Variants in SORBS2 observed in about 807,000 individuals in gnomAD.
The protein encoded by SORBS2 is sorbin and SH3 domain containing 2.
In SORBS2, 46 loss-of-function variants were observed where a neutral mutation model predicts 97.7. The observed-to-expected ratio is 0.47, with a 90% confidence interval of 0.37 to 0.60. SORBS2 has a LOEUF of 0.60. Among genes scored for constraint, SORBS2 ranks in the 20% least tolerant of loss-of-function variants. The pLI is 0.00. For synonymous variants in SORBS2, 476 were observed against 473.4 expected, an observed-to-expected ratio of 1.01 and a Z score of -0.07; for missense variants, 1,316 against 1,282.3, an observed-to-expected ratio of 1.03 and a Z score of -0.40.
chr4:185,809,516 T>C (rs1165471515), intron 1 of SORBS2, among the ~76,000 whole-genome samples: 1 of 134,506 alleles, frequency 7.4e-6, no homozygotes, highest in Non-Finnish European at 1.6e-5. Context: ...TTCCAAAATA[T>C]TTGATATTGC....
At chr4:185,613,162 G>C (rs2096568250) in intron 11 of SORBS2, among the ~76,000 whole-genome samples, 1 of 152,196 alleles carries the variant, frequency 6.6e-6, no homozygotes, top group Non-Finnish European at 1.5e-5. Flanking sequence ...TGATACAGAA[G>C]CTCGGGCAGC....
intron 2 of SORBS2, among the ~76,000 whole-genome samples, chr4:185,712,594 C>T (rs7695346): frequency 0.68 from 103,440 of 152,130 alleles, 35,965 homozygotes; most frequent in Non-Finnish European, 0.76. Flanking sequence ...TTAAGCCGCC[C>T]GTGGACAGCA....
chr4:185,843,726 T>G (rs1477386614), intron 1 of SORBS2, among the ~76,000 whole-genome samples: 2 of 152,188 alleles, frequency 1.3e-5, no homozygotes, highest in Non-Finnish European at 2.9e-5. Context: ...TGGAGAGATA[T>G]ATCATGTTCA....
At chr4:185,585,588 A>T (rs1220464062) in exon 15 of SORBS2, 5 of 152,010 alleles carry the variant, frequency 3.3e-5, no homozygotes, top group African/African-American at 9.7e-5. Context: ...TGCTTGTAAG[A>T]ATTCAAAGTC....
At chr4:185,785,483 T>C (rs2099052034) in intron 1 of SORBS2, among the ~76,000 whole-genome samples, 1 of 152,200 alleles carries the variant, frequency 6.6e-6, no homozygotes, top group Non-Finnish European at 1.5e-5. Context: ...TGTAAATATT[T>C]TGTCTTTCTA....
intron 1 of SORBS2, among the ~76,000 whole-genome samples, chr4:185,948,572 C>T (rs150937203): frequency 0.028 from 3,614 of 130,070 alleles, 151 homozygotes; most frequent in African/African-American, 0.099. Flanking sequence ...GGCTGGAGTG[C>T]AGTGGCACAG....
At position 185,642,552 on chromosome 4, in the gene SORBS2, C is replaced by T. The variant is rs180713749; in HGVS notation, c.396+4116G>A. ...GGAAATACGGTTCTGATTTGTGGTT[C>T]GAGTCAGTTCAAGGCAAATTCCTGG... On this transcript the variant is annotated intron_variant, in intron 4 of 14. Transcript: ENST00000418609. Among the ~76,000 whole-genome samples the T allele has an allele frequency of 2.6e-5, 4 of 152,116 alleles. No homozygotes were observed. The East Asian group carries it at 5.8e-4, about 22-fold the overall frequency.
At chr4:185,868,961 G>T (rs2099228876) in intron 1 of SORBS2, among the ~76,000 whole-genome samples, 1 of 152,226 alleles carries the variant, frequency 6.6e-6, no homozygotes, top group Non-Finnish European at 1.5e-5. Context: ...AAACAATGCT[G>T]ATTTTATGGA....
chr4:185,666,071 T>A (rs563735895), intron 4 of SORBS2: 1 of 1,289,640 alleles, frequency 7.8e-7, no homozygotes. Context: ...CTGGTGCCAC[T>A]GCCTGGTGAG....
chr4:185,872,148 T>G (rs1459638411), intron 1 of SORBS2, among the ~76,000 whole-genome samples: 1 of 152,206 alleles, frequency 6.6e-6, no homozygotes, highest in Admixed American at 6.5e-5. Flanking sequence ...GAAGGCACCC[T>G]TAATAGAAAC....
intron 12 of SORBS2, among the ~76,000 whole-genome samples, chr4:185,601,195 G>A (rs765944342): frequency 2.0e-4 from 30 of 152,162 alleles, no homozygotes; most frequent in Admixed American, 4.6e-4. Context: ...CTTAAGTGTC[G>A]TGGCAGACGA....
intron 2 of SORBS2, among the ~76,000 whole-genome samples, chr4:185,696,991 A>C (rs1429852765): frequency 6.6e-6 from 1 of 152,220 alleles, no homozygotes; most frequent in East Asian, 1.9e-4. Flanking sequence ...GAGACATGTG[A>C]GGAATTAATT....
intron 1 of SORBS2, among the ~76,000 whole-genome samples, chr4:185,907,401 T>C (rs1231952250): frequency 1.3e-5 from 2 of 152,222 alleles, no homozygotes; most frequent in African/African-American, 4.8e-5. Context: ...ATTTTAGAGC[T>C]ATGAGGTAGA....
chr4:185,839,804 G>C lies in SORBS2; in HGVS notation c.-337-64438C>G, dbSNP rs147773370. On this transcript the variant is annotated intron_variant, in intron 1 of 20. Transcript: ENST00000284776. ...GGTGAGGTGGAACAAGAAACCCTAGGTAAATTGTAGCAGCGTTAGATGTTT... is the reference window on the plus strand; with the variant it reads ...GGTGAGGTGGAACAAGAAACCCTAGCTAAATTGTAGCAGCGTTAGATGTTT... 2.2e-3 allele frequency among the ~76,000 whole-genome samples: 338 copies of C among 152,282 alleles called. 3 individuals are homozygous for C. Among genetic ancestry groups the C allele is most frequent in the African/African-American group, 7.8e-3 (323 of 41,558 alleles).
In SORBS2 at chr4:185,606,639, G is replaced by A. The variant is rs1443715330; in HGVS notation, c.2796+5141C>T. ...CCTCCTTGGGGGTCCTAGGATCTGTGGGGGTGGCTATGGGGTGTTTTAGGC... is the reference window on the plus strand; with the variant it reads ...CCTCCTTGGGGGTCCTAGGATCTGTAGGGGTGGCTATGGGGTGTTTTAGGC... On this transcript the variant is annotated intron_variant, in intron 12 of 14. Transcript: ENST00000418609. This position sits in a 1 kb window ranked among gnomAD's most constrained non-coding sequence, Gnocchi z 4.3. The A allele has an allele frequency of 2.0e-6, 2 of 985,068 alleles. No individual in the cohort carries two copies. The highest frequency in any genetic ancestry group is 6.2e-5 in the Admixed American group (1 of 16,252). 61.0% of individuals were successfully genotyped at this position (985,068 alleles called of 1,614,324 possible).
At chr4:185,755,018 GA>G (rs1203251838) in intron 2 of SORBS2, among the ~76,000 whole-genome samples, 1 of 152,178 alleles carries the variant, frequency 6.6e-6, no homozygotes, top group Non-Finnish European at 1.5e-5. Flanking sequence ...AAACTGGCAG[GA>G]AAAAACCCAC....
At chr4:185,646,885 A>T (rs575594461) in intron 3 of SORBS2, 103 bp from the exon 13 acceptor site, 21 of 673,148 alleles carry the variant, frequency 3.1e-5, no homozygotes, top group Middle Eastern at 2.9e-4. Context: ...GCATAGTTTT[A>T]AAAAAAATCT....
chr4:185,613,358 G>A (rs2096571902), intron 11 of SORBS2, among the ~76,000 whole-genome samples: 1 of 152,172 alleles, frequency 6.6e-6, no homozygotes, highest in Admixed American at 6.5e-5. Flanking sequence ...CTCAAGAAAA[G>A]TCAGTCTCAG....
intron 2 of SORBS2, among the ~76,000 whole-genome samples, chr4:185,761,322 G>A (rs1460070967): frequency 6.6e-6 from 1 of 152,166 alleles, no homozygotes; most frequent in Non-Finnish European, 1.5e-5. Flanking sequence ...AACTTCCATA[G>A]ATCATATCAG....
Sources: allele counts gnomAD v4.1 joint callset (sites outside exome capture counted in the v4.1 genomes callset), GRCh38; gene constraint gnomAD v4.1.1; non-coding constraint Gnocchi (gnomAD v3.1); transcripts MANE v1.5; gene names NCBI Gene and HGNC (gene_info 2026-07-23, HGNC 2026-07-21).